The following ITPRID1 variants were observed in gnomAD, a reference collection of about 807,000 sequenced individuals.
ITPRID1 encodes the protein ITPR interacting domain containing 1, also known as protein ITPRID1.
In ITPRID1, 96 loss-of-function variants were observed where a neutral mutation model predicts 95.4. The observed-to-expected ratio is 1.01, with a 90% CI of 0.85 to 1.19. The LOEUF is 1.19. Among genes scored for constraint, ITPRID1 ranks in the 50% most tolerant of loss-of-function variants. The pLI is 0.00. For missense variants in ITPRID1, 1,339 were observed against 1,252.9 expected (o/e 1.07, Z -1.04); for synonymous variants, 510 against 453.6 (o/e 1.12, Z -1.58).
At chr7:31,637,952 G>GA (rs1789648644) in intron 10 of ITPRID1, among the ~76,000 whole-genome samples, 1 of 152,060 alleles carries the variant, frequency 6.6e-6, no homozygotes, top group South Asian at 2.1e-4. Context: ...GCTTTCTACA[G>GA]ATGGCTAGCC....
chr7:31,626,763 C>G (rs1299522107), intron 10 of ITPRID1, among the ~76,000 whole-genome samples: 1 of 152,190 alleles, frequency 6.6e-6, no homozygotes, highest in Non-Finnish European at 1.5e-5. Flanking sequence ...TACACATGCT[C>G]AGAGTTCATT....
chr7:31,652,121 T>C (rs1791017435), intron 14 of ITPRID1, 71 bp downstream of exon 14: 1 of 1,090,114 alleles, frequency 9.2e-7, no homozygotes, highest in African/African-American at 1.6e-5. Context: ...AATGAGAAAC[T>C]TGATTGTGCA....
chr7:31,615,233 A>G (rs934430451), intron 10 of ITPRID1, among the ~76,000 whole-genome samples: 1 of 152,072 alleles, frequency 6.6e-6, no homozygotes, highest in Non-Finnish European at 1.5e-5. Flanking sequence ...CTAGTGAAAA[A>G]TCAAAGATTT....
At chr7:31,593,420 A>C (rs369761394) in intron 10 of ITPRID1, among the ~76,000 whole-genome samples, 1 of 152,234 alleles carries the variant, frequency 6.6e-6, no homozygotes, top group Non-Finnish European at 1.5e-5. Context: ...CCTACAAATC[A>C]ATGAGAAAAA....
intron 1 of ITPRID1, among the ~76,000 whole-genome samples, chr7:31,548,628 C>T (rs1784178766): frequency 6.6e-6 from 1 of 152,002 alleles, no homozygotes; most frequent in Non-Finnish European, 1.5e-5. Flanking sequence ...AAGATTGGGC[C>T]AGATGAAGTG....
intron 1 of ITPRID1, among the ~76,000 whole-genome samples, chr7:31,534,821 GTTTA>G (rs1176319566): frequency 2.0e-5 from 3 of 151,778 alleles, no homozygotes; most frequent in African/African-American, 7.3e-5. Flanking sequence ...TCCATCTATT[GTTTA>G]TTTGTGTTCC....
chr7:31,638,513 A>AT (rs1022151406), intron 10 of ITPRID1, among the ~76,000 whole-genome samples: 7 of 152,098 alleles, frequency 4.6e-5, no homozygotes, highest in South Asian at 2.1e-4. Context: ...GACATTGTTA[A>AT]TTTTTTTTGT....
chr7:31,623,977 A>G (rs1038246731), intron 10 of ITPRID1, among the ~76,000 whole-genome samples: 1 of 149,466 alleles, frequency 6.7e-6, no homozygotes, highest in African/African-American at 2.4e-5. Context: ...TACACCAATA[A>G]CAGACAAACA....
chr7:31,587,975 A>G (rs1785692192), intron 10 of ITPRID1, among the ~76,000 whole-genome samples: 1 of 152,226 alleles, frequency 6.6e-6, no homozygotes, highest in Non-Finnish European at 1.5e-5. Context: ...CTTACACCTT[A>G]GACAAATCTT....
intron 1 of ITPRID1, among the ~76,000 whole-genome samples, chr7:31,519,620 C>CTCTCTCTCTA: frequency 1.2e-3 from 30 of 25,260 alleles, no homozygotes; most frequent in African/African-American, 2.5e-3. Flanking sequence ...CTCTCTCTCT[C>CTCTCTCTCTA]TATATATATA....
intron 10 of ITPRID1, among the ~76,000 whole-genome samples, chr7:31,586,654 G>A (rs1295762950): frequency 5.3e-5 from 8 of 152,132 alleles, no homozygotes; most frequent in Admixed American, 4.6e-4. Context: ...AGAAGTGTCT[G>A]TTCATGTCCT....
At chr7:31,642,527 G>T (rs1185169541) in intron 11 of ITPRID1, among the ~76,000 whole-genome samples, 155 bp from the exon 12 acceptor site, 2 of 152,192 alleles carry the variant, frequency 1.3e-5, no homozygotes, top group African/African-American at 4.8e-5. Flanking sequence ...TCCTAGAGAG[G>T]AGGACCTTGG....
At chr7:31,650,369 G>C (rs1037177256) in intron 12 of ITPRID1, among the ~76,000 whole-genome samples, 4 of 152,140 alleles carry the variant, frequency 2.6e-5, no homozygotes, top group Admixed American at 6.6e-5. Context: ...CAGACTGGAG[G>C]GTGGTCAAGT....
At chr7:31,619,163 G>A (rs549586163) in intron 10 of ITPRID1, among the ~76,000 whole-genome samples, 4 of 152,148 alleles carry the variant, frequency 2.6e-5, no homozygotes, top group Non-Finnish European at 5.9e-5. Context: ...AGCTGCTCTT[G>A]CTTTTCTTTG....
intron 4 of ITPRID1, 127 bp downstream of exon 4, chr7:31,554,650 T>A: frequency 8.7e-7 from 1 of 1,152,186 alleles, no homozygotes; most frequent in South Asian, 1.5e-5. Context: ...GTACGTGAAG[T>A]ATTATTCTAT....
intron 10 of ITPRID1, among the ~76,000 whole-genome samples, chr7:31,634,903 C>A (rs547062456): frequency 6.6e-6 from 1 of 152,214 alleles, no homozygotes; most frequent in African/African-American, 2.4e-5. Flanking sequence ...AGGGAAAATG[C>A]CACTGAGGGC....
chr7:31,560,492 G>A (rs1226442394), intron 5 of ITPRID1, among the ~76,000 whole-genome samples: 5 of 152,278 alleles, frequency 3.3e-5, no homozygotes, highest in Middle Eastern at 3.4e-3. Context: ...CAGTTCAGAG[G>A]CTAATACAGT....
intron 3 of ITPRID1, chr7:31,554,274 G>A: frequency 1.1e-6 from 1 of 934,352 alleles, no homozygotes; most frequent in Non-Finnish European, 1.5e-6. Flanking sequence ...CTTTTGACAA[G>A]TTTACACTTC....
At chr7:31,521,150 T>C (rs1472761866) in intron 1 of ITPRID1, among the ~76,000 whole-genome samples, 1 of 152,114 alleles carries the variant, frequency 6.6e-6, no homozygotes, top group African/African-American at 2.4e-5. Flanking sequence ...TTTCTCTACT[T>C]TCCTAAAGTA....
Sources: allele counts gnomAD v4.1 joint callset (sites outside exome capture counted in the v4.1 genomes callset), GRCh38; gene constraint gnomAD v4.1.1; transcripts MANE v1.5; gene names NCBI Gene and HGNC (gene_info 2026-07-23, HGNC 2026-07-21).